PAX5: variants seen among roughly 807,000 people sequenced by gnomAD.
PAX5 encodes paired box protein Pax-5.
PAX5 carries 9 observed loss-of-function variants against 43.7 expected under a neutral mutation model. The ratio of observed to expected loss-of-function variants is 0.21; its 90% CI spans 0.12 to 0.36. The LOEUF (loss-of-function observed/expected upper bound fraction) is 0.36, where lower values mean the gene tolerates loss of function less well. Among genes scored for constraint, PAX5 ranks in the 10% least tolerant of loss-of-function variants. PAX5 has a pLI of 1.00. For missense variants in PAX5, 383 were observed against 532.7 expected (o/e 0.72, Z 2.77); for synonymous variants, 228 against 214.3 (o/e 1.06, Z -0.56).
chr9:36,943,273 G>A (rs1832212378), intron 6 of PAX5, among the ~76,000 whole-genome samples: 1 of 152,154 alleles, frequency 6.6e-6, no homozygotes, highest in African/African-American at 2.4e-5. Flanking sequence ...TGGGGAGTCT[G>A]GCATCCCCAA....
At chr9:36,905,587 G>C (rs1362962274) in intron 7 of PAX5, among the ~76,000 whole-genome samples, 2 of 152,148 alleles carry the variant, frequency 1.3e-5, no homozygotes, top group African/African-American at 4.8e-5. Flanking sequence ...TTGGAGTCAG[G>C]GACTCCGCAT....
At chr9:37,026,721 C>G (rs1014882477) in intron 1 of PAX5, 1 of 1,275,806 alleles carries the variant, frequency 7.8e-7, no homozygotes, top group African/African-American at 1.5e-5. Flanking sequence ...GGGTCTCTCT[C>G]AGAGCCTCCC....
intron 7 of PAX5, among the ~76,000 whole-genome samples, chr9:36,916,812 G>C (rs1312980618): frequency 6.6e-6 from 1 of 152,004 alleles, no homozygotes; most frequent in African/African-American, 2.4e-5. Context: ...AGCCTCCCTA[G>C]TACCTGGGAC....
chr9:36,960,602 G>A (rs1833883632), intron 6 of PAX5, among the ~76,000 whole-genome samples: 1 of 152,222 alleles, frequency 6.6e-6, no homozygotes, highest in Non-Finnish European at 1.5e-5. Context: ...CGAGAGGCAA[G>A]AAGTCCCAGT....
At chr9:36,863,604 T>C (rs1248056372) in intron 8 of PAX5, among the ~76,000 whole-genome samples, 1 of 152,224 alleles carries the variant, frequency 6.6e-6, no homozygotes, top group East Asian at 1.9e-4. Context: ...CTCAGGCCCC[T>C]GTGTTTTCTC....
Position 36,838,044 on chromosome 9 carries a change from T to C in PAX5, c.*2516A>G, listed in dbSNP as rs1821764877. On this transcript the variant is annotated 3_prime_UTR_variant, in exon 10 of 10. Transcript: ENST00000358127. Reference sequence around the variant, plus strand: ...CCTGACCCCACCACTTCCTGCTAAATGGAGGGAGGCAGGGAGAGAGATGCC... The same window carrying C: ...CCTGACCCCACCACTTCCTGCTAAACGGAGGGAGGCAGGGAGAGAGATGCC... 1.3e-5 allele frequency: 3 copies of C among 233,172 alleles called. No individual in the cohort carries two copies. Among genetic ancestry groups the C allele is most frequent in the East Asian group, 6.0e-5 (1 of 16,576 alleles). 14.4% of individuals were successfully genotyped at this position (233,172 alleles called of 1,614,324 possible).
At chr9:36,933,719 A>G (rs1216992883) in intron 6 of PAX5, among the ~76,000 whole-genome samples, 1 of 152,184 alleles carries the variant, frequency 6.6e-6, no homozygotes, top group Non-Finnish European at 1.5e-5. Flanking sequence ...CGTTCTTTAA[A>G]CCTGGACACA....
chr9:36,839,202 T>C lies in PAX5; in HGVS notation c.*1358A>G, dbSNP rs1821850646. ...GCCCCTCCCTCAGGAGGCCTTCCTC[T>C]GTCCCCCAGATCTTCCCTGCTGGCT... On this transcript the variant is annotated 3_prime_UTR_variant, in exon 10 of 10. Coordinates refer to ENST00000358127, the MANE Select transcript of PAX5 (RefSeq NM_016734.3). The C allele has an allele frequency of 8.6e-6, 2 of 233,566 alleles. No individual in the cohort carries two copies. Among genetic ancestry groups the C allele is most frequent in the Non-Finnish European group, 1.7e-5 (2 of 118,258 alleles). 14.5% of individuals were successfully genotyped at this position (233,566 alleles called of 1,614,324 possible).
chr9:37,018,417 G>A (rs149815200), intron 2 of PAX5, among the ~76,000 whole-genome samples: 2 of 151,988 alleles, frequency 1.3e-5, no homozygotes, highest in African/African-American at 2.4e-5. Context: ...CACACTCCTG[G>A]CAGACCGCCC....
chr9:37,021,783 T>A, intron 1 of PAX5, among the ~76,000 whole-genome samples: 1 of 152,176 alleles, frequency 6.6e-6, no homozygotes, highest in Admixed American at 6.5e-5. Flanking sequence ...ATCATTGACC[T>A]TATAGCTGTT....
chr9:36,964,932 A>G (rs1834290383), intron 6 of PAX5, among the ~76,000 whole-genome samples: 1 of 152,036 alleles, frequency 6.6e-6, no homozygotes, highest in African/African-American at 2.4e-5. Flanking sequence ...CCTCCCCAGC[A>G]TCATCGCCCG....
chr9:36,938,832 G>T (rs993261221), intron 6 of PAX5, among the ~76,000 whole-genome samples: 2 of 152,180 alleles, frequency 1.3e-5, no homozygotes, highest in Non-Finnish European at 1.5e-5. Context: ...CTTTCCAGAA[G>T]TCAGTGCCAC....
At chr9:36,911,303 TC>T (rs1563958511) in intron 7 of PAX5, among the ~76,000 whole-genome samples, 1 of 151,620 alleles carries the variant, frequency 6.6e-6, no homozygotes, top group Non-Finnish European at 1.5e-5. Context: ...ACTGATATTA[TC>T]TCCTTTCCAA....
intron 7 of PAX5, among the ~76,000 whole-genome samples, chr9:36,884,009 T>G (rs1210676882): frequency 1.3e-5 from 2 of 152,112 alleles, no homozygotes; most frequent in Admixed American, 1.3e-4. Context: ...AAAAAATAAG[T>G]GCCTCATCCA....
At chr9:36,927,077 G>A (rs980653404) in intron 6 of PAX5, among the ~76,000 whole-genome samples, 3 of 152,148 alleles carry the variant, frequency 2.0e-5, no homozygotes, top group African/African-American at 4.8e-5. Context: ...GTTAGAGGGG[G>A]TGCAAGCGTA....
In PAX5 at chr9:36,978,614, G is replaced by A. The variant is rs12003985; in HGVS notation, c.605-11890C>T. On this transcript the variant is annotated intron_variant, in intron 5 of 9. Transcript: ENST00000358127. ...ACTGTCTGTATTTTTTCCCAAGGAC[G>A]ATATAACTAAAAAGAAGGTTCGTAT... Among the ~76,000 whole-genome samples the A allele has an allele frequency of 1.0e-3, 156 of 152,164 alleles. 1 individual carries two copies. Among genetic ancestry groups the A allele is most frequent in the African/African-American group, 3.3e-3 (138 of 41,512 alleles).
At chr9:37,025,566 A>C (rs554300352) in intron 1 of PAX5, among the ~76,000 whole-genome samples, 1 of 152,336 alleles carries the variant, frequency 6.6e-6, no homozygotes, top group South Asian at 2.1e-4. Flanking sequence ...CTGGCTCTGC[A>C]GCAAACAGAA....
chr9:36,958,445 C>T (rs973233131), intron 6 of PAX5, among the ~76,000 whole-genome samples: 1 of 149,368 alleles, frequency 6.7e-6, no homozygotes, highest in Non-Finnish European at 1.5e-5. Context: ...CTACGGGGGC[C>T]TGGCTGGAGA....
At chr9:36,902,851 G>A (rs1177315975) in intron 7 of PAX5, among the ~76,000 whole-genome samples, 2 of 152,188 alleles carry the variant, frequency 1.3e-5, no homozygotes, top group African/African-American at 4.8e-5. Context: ...ATAACATTCG[G>A]GGCTGATATT....
Sources: gnomAD v4.1 joint callset for allele counts (sites outside exome capture counted in the v4.1 genomes callset) on GRCh38, gnomAD v4.1.1 for gene constraint, MANE v1.5 for transcripts, NCBI Gene and HGNC (gene_info 2026-07-23, HGNC 2026-07-21) for gene names.